The following PRDM6 variants were observed in gnomAD, a reference collection of about 807,000 sequenced individuals.
PRDM6 encodes the protein PR/SET domain 6.
In PRDM6, 25 loss-of-function variants were observed where a neutral mutation model predicts 60.8. That is an observed-to-expected ratio of 0.41 (90% CI 0.30 to 0.57). The LOEUF (loss-of-function observed/expected upper bound fraction) is 0.57. Among genes scored for constraint, PRDM6 ranks in the 20% least tolerant of loss-of-function variants. The pLI is 0.27. For missense variants in PRDM6, 839 were observed against 821.3 expected (o/e 1.02, Z -0.26); for synonymous variants, 407 against 357.4 (o/e 1.14, Z -1.57).
chr5:123,153,178 A>G (rs1022164531), intron 3 of PRDM6, among the ~76,000 whole-genome samples: 1 of 150,622 alleles, frequency 6.6e-6, no homozygotes, highest in Non-Finnish European at 1.5e-5. Flanking sequence ...CTGTTTTAAC[A>G]ATGCATGCAA....
At position 123,190,613 on chromosome 5, in the gene PRDM6, G is replaced by A. The variant is rs1766413240; in HGVS notation, c.*3412G>A. 1 of 152,112 alleles carries A rather than the reference G, an allele frequency of 6.6e-6. No homozygotes were observed. Among genetic ancestry groups the A allele is most frequent in the Non-Finnish European group, 1.5e-5 (1 of 68,000 alleles). 9.4% of individuals were successfully genotyped at this position (152,112 alleles called of 1,614,324 possible). A position where few individuals can be genotyped will look rare whatever the true frequency, so the allele number is the denominator to read the frequency against. The stretch of plus-strand genomic sequence containing the variant: ...CAGGAAAAGATCATGACATCATTGT[G>A]TCCTCATAGGGCTCATAATTGAATT... On this transcript the variant is annotated 3_prime_UTR_variant, in exon 8 of 8. Transcript: ENST00000407847.
intron 2 of PRDM6, among the ~76,000 whole-genome samples, chr5:123,095,276 C>T (rs986019889): frequency 6.6e-6 from 1 of 152,222 alleles, no homozygotes; most frequent in African/African-American, 2.4e-5. Flanking sequence ...GAGAGCCTTT[C>T]GTGGGCAGGA....
chr5:123,105,679 CTCCTTCGTTCTTT>C (rs772468799), intron 3 of PRDM6, among the ~76,000 whole-genome samples: 1 of 152,184 alleles, frequency 6.6e-6, no homozygotes, highest in Non-Finnish European at 1.5e-5. Context: ...ATGAGCCTGC[CTCCTTCGTTCTTT>C]TTCTTTCATT....
intron 6 of PRDM6, among the ~76,000 whole-genome samples, chr5:123,178,111 C>A (rs1357962430): frequency 6.6e-6 from 1 of 151,948 alleles, no homozygotes; most frequent in East Asian, 1.9e-4. Flanking sequence ...GTGTGTAAAC[C>A]TTTACCACCG....
At chr5:123,128,760 C>T (rs1379330813) in intron 3 of PRDM6, among the ~76,000 whole-genome samples, 2 of 152,228 alleles carry the variant, frequency 1.3e-5, no homozygotes, top group African/African-American at 2.4e-5. Flanking sequence ...TGCAGAAGCT[C>T]TTTAGTTTAA....
chr5:123,193,045 C>A lies in PRDM6; in HGVS notation c.*5844C>A, dbSNP rs1175141821. ...TTCAAAAAGTAAGTGTACAAAATTT[C>A]ATCATGAACTGGCTTTATTACAACT... On this transcript the variant is annotated 3_prime_UTR_variant, in exon 8 of 8. Transcript: ENST00000407847. 1.3e-5 allele frequency: 2 copies of A among 152,226 alleles called. No individual in the cohort carries two copies. Among genetic ancestry groups the A allele is most frequent in the African/African-American group, 4.8e-5 (2 of 41,460 alleles). 9.4% of individuals were successfully genotyped at this position (152,226 alleles called of 1,614,324 possible). A position where few individuals can be genotyped will look rare whatever the true frequency, so the allele number is the denominator to read the frequency against.
intron 3 of PRDM6, among the ~76,000 whole-genome samples, chr5:123,102,999 CTT>C (rs1764136378): frequency 6.6e-6 from 1 of 151,994 alleles, no homozygotes; most frequent in African/African-American, 2.4e-5. Context: ...AGAAAAATGA[CTT>C]TTTGTTATTT....
At chr5:123,111,561 G>A (rs1012370778) in intron 3 of PRDM6, among the ~76,000 whole-genome samples, 2 of 152,162 alleles carry the variant, frequency 1.3e-5, no homozygotes, top group African/African-American at 4.8e-5. Flanking sequence ...GTCCGGGTGT[G>A]GTGACGGGCG....
chr5:123,156,998 T>C (rs1765515653), intron 4 of PRDM6, among the ~76,000 whole-genome samples: 1 of 152,140 alleles, frequency 6.6e-6, no homozygotes, highest in East Asian at 1.9e-4. Flanking sequence ...CACAGACACA[T>C]CAAAGCAGAG....
intron 6 of PRDM6, 32 bp from the exon 7 acceptor site, chr5:123,180,115 C>T: frequency 1.3e-6 from 2 of 1,500,832 alleles, no homozygotes; most frequent in East Asian, 2.5e-5. Context: ...ACGCAGAAAA[C>T]AATGACCAGA....
intron 3 of PRDM6, among the ~76,000 whole-genome samples, chr5:123,110,568 C>CTTTT (rs974674301): frequency 8.6e-6 from 1 of 116,924 alleles, no homozygotes; most frequent in Non-Finnish European, 1.7e-5. Context: ...TTTTTTTTTT[C>CTTTT]TTTTTTTTTT....
chr5:123,123,234 T>C (rs1202858884), intron 3 of PRDM6, among the ~76,000 whole-genome samples: 3 of 152,242 alleles, frequency 2.0e-5, no homozygotes, highest in African/African-American at 7.2e-5. Context: ...CTCTTTCATA[T>C]TAGTGGCTTT....
chr5:123,152,840 G>A (rs1765400315), intron 3 of PRDM6, among the ~76,000 whole-genome samples: 1 of 152,120 alleles, frequency 6.6e-6, no homozygotes, highest in South Asian at 2.1e-4. Context: ...CCTTTCTTGT[G>A]GTAGCTTTCG....
chr5:123,169,816 A>G (rs912802495), intron 5 of PRDM6, among the ~76,000 whole-genome samples: 4 of 152,204 alleles, frequency 2.6e-5, no homozygotes, highest in African/African-American at 7.2e-5. Flanking sequence ...TAGATGGAAT[A>G]ACTGCGGCCC....
Position 123,187,330 on chromosome 5 carries a change from T to A in PRDM6, c.*129T>A, listed in dbSNP as rs1766311620. On this transcript the variant is annotated 3_prime_UTR_variant, in exon 8 of 8. Transcript: ENST00000407847. Reference sequence around the variant, plus strand: ...CAGAAAACCAAAAGCAGTAATAAAATAAGTAAGATGTTAAGAGATATTGAT... The same window carrying A: ...CAGAAAACCAAAAGCAGTAATAAAAAAAGTAAGATGTTAAGAGATATTGAT... The A allele has an allele frequency of 4.8e-6, 3 of 629,074 alleles. No individual in the cohort carries two copies. Among genetic ancestry groups the A allele is most frequent in the Admixed American group, 4.9e-5 (2 of 40,992 alleles). 39.0% of individuals were successfully genotyped at this position (629,074 alleles called of 1,614,324 possible). A position where few individuals can be genotyped will look rare whatever the true frequency, so the allele number is the denominator to read the frequency against.
intron 3 of PRDM6, among the ~76,000 whole-genome samples, chr5:123,123,414 C>A (rs1428419961): frequency 6.6e-6 from 1 of 152,148 alleles, no homozygotes; most frequent in Non-Finnish European, 1.5e-5. Context: ...ATGTGTAGAA[C>A]CATGTGGCTG....
intron 3 of PRDM6, among the ~76,000 whole-genome samples, chr5:123,130,125 CCTCCCCTCT>C (rs1297104507): frequency 3.4e-4 from 17 of 49,616 alleles, no homozygotes; most frequent in South Asian, 1.4e-3. Context: ...TCTCCCCTTC[CCTCCCCTCT>C]CCTTCCTCTC....
chr5:123,166,345 C>T (rs10060666), intron 5 of PRDM6, among the ~76,000 whole-genome samples: 41,449 of 152,138 alleles, frequency 0.27, 6,216 homozygotes, highest in East Asian at 0.59. Context: ...CCTCAGGAAC[C>T]CAGATTCTCT....
rs1766472655 is a variant in PRDM6, at chr5:123,193,695, A to G, written c.*6494A>G. On this transcript the variant is annotated 3_prime_UTR_variant, in exon 8 of 8. Transcript: ENST00000407847. ...AATTATTTTGGAAACTTAATGTCCCAAGTTAATTATTTTTTTTATATCAAG... is the reference window on the plus strand; with the variant it reads ...AATTATTTTGGAAACTTAATGTCCCGAGTTAATTATTTTTTTTATATCAAG... 6.6e-6 allele frequency: 1 copy of G among 152,206 alleles called. No homozygotes were observed. Among genetic ancestry groups the G allele is most frequent in the African/African-American group, 2.4e-5 (1 of 41,452 alleles). 9.4% of individuals were successfully genotyped at this position (152,206 alleles called of 1,614,324 possible).
Sources: gnomAD v4.1 joint callset for allele counts (sites outside exome capture counted in the v4.1 genomes callset) on GRCh38, gnomAD v4.1.1 for gene constraint, MANE v1.5 for transcripts, NCBI Gene and HGNC (gene_info 2026-07-23, HGNC 2026-07-21) for gene names.